Variants in C12orf56 observed in about 807,000 individuals in gnomAD.
The protein encoded by C12orf56 is uncharacterized protein C12orf56.
C12orf56 carries 71 observed loss-of-function variants against 69.9 expected under a neutral mutation model. The ratio of observed to expected loss-of-function variants is 1.02; its 90% CI spans 0.84 to 1.24. C12orf56 has a LOEUF of 1.24. Ranked by LOEUF, C12orf56 falls within the 50% of genes most tolerant of loss-of-function variation. The pLI, the probability that C12orf56 is intolerant of heterozygous loss-of-function variation, is 0.00. For synonymous variants in C12orf56, 276 were observed against 274.1 expected (o/e 1.01, Z -0.07); for missense variants, 732 against 738.5 (o/e 0.99, Z 0.10).
At chr12:64,345,427 T>C (rs776869968) in intron 2 of C12orf56, among the ~76,000 whole-genome samples, 1 of 152,164 alleles carries the variant, frequency 6.6e-6, no homozygotes, top group Non-Finnish European at 1.5e-5. Context: ...CAAAAAAAAG[T>C]TCATCAGAGT....
At chr12:64,384,018 G>T (rs2039755783) in intron 1 of C12orf56, among the ~76,000 whole-genome samples, 1 of 152,216 alleles carries the variant, frequency 6.6e-6, no homozygotes, top group Non-Finnish European at 1.5e-5. Context: ...AACTAGCATT[G>T]ATTGCTTGTT....
chr12:64,269,624 C>T (rs1347177523), intron 12 of C12orf56, among the ~76,000 whole-genome samples: 2 of 151,684 alleles, frequency 1.3e-5, no homozygotes, highest in African/African-American at 2.4e-5. Context: ...AATATCCCTC[C>T]GTTGCCCAGG....
chr12:64,358,060 A>G (rs2039343882), intron 1 of C12orf56, among the ~76,000 whole-genome samples: 1 of 152,184 alleles, frequency 6.6e-6, no homozygotes, highest in African/African-American at 2.4e-5. Context: ...GGATGATGAC[A>G]GGTGTGATAA....
chr12:64,327,637 C>A (rs1245843845), intron 3 of C12orf56, among the ~76,000 whole-genome samples: 1 of 152,162 alleles, frequency 6.6e-6, no homozygotes, highest in Admixed American at 6.5e-5. Context: ...CCAGTAGCAC[C>A]CCTTGAGAAA....
At chr12:64,283,040 G>T (rs2038152766) in intron 8 of C12orf56, among the ~76,000 whole-genome samples, 1 of 152,042 alleles carries the variant, frequency 6.6e-6, no homozygotes, top group Admixed American at 6.6e-5. Context: ...TACTTGGGAG[G>T]CTGAGGCAGG....
intron 2 of C12orf56, among the ~76,000 whole-genome samples, chr12:64,344,323 G>C (rs1320562819): frequency 6.6e-6 from 1 of 152,190 alleles, no homozygotes; most frequent in African/African-American, 2.4e-5. Context: ...AACTGATTAA[G>C]AGGCCATGAT....
intron 1 of C12orf56, among the ~76,000 whole-genome samples, chr12:64,359,251 T>G (rs1373960117): frequency 2.6e-5 from 4 of 152,178 alleles, no homozygotes; most frequent in Non-Finnish European, 4.4e-5. Flanking sequence ...TTTGTCCTAT[T>G]ATATTTCTCC....
At chr12:64,276,012 C>A (rs982103552) in intron 9 of C12orf56, among the ~76,000 whole-genome samples, 2 of 144,458 alleles carry the variant, frequency 1.4e-5, no homozygotes, top group African/African-American at 5.0e-5. Context: ...CCCCCCCCCG[C>A]GAGTTGAGGT....
At chr12:64,362,581 A>C (rs1258787248) in intron 1 of C12orf56, among the ~76,000 whole-genome samples, 1 of 152,108 alleles carries the variant, frequency 6.6e-6, no homozygotes, top group Non-Finnish European at 1.5e-5. Context: ...AATCTCAGCT[A>C]TTCAGGAGGC....
chr12:64,360,746 G>T (rs2039388837), intron 1 of C12orf56, among the ~76,000 whole-genome samples: 1 of 152,102 alleles, frequency 6.6e-6, no homozygotes, highest in Non-Finnish European at 1.5e-5. Context: ...CTTTTATCCA[G>T]ACCCTTTTTA....
intron 5 of C12orf56, among the ~76,000 whole-genome samples, chr12:64,312,009 CATGTG>C (rs2136824162): frequency 6.6e-6 from 1 of 152,138 alleles, no homozygotes; most frequent in South Asian, 2.1e-4. Context: ...ATAAATAAGG[CATGTG>C]ATGACTGGCT....
chr12:64,369,223 A>G (rs1275737843), intron 1 of C12orf56, among the ~76,000 whole-genome samples: 2 of 150,858 alleles, frequency 1.3e-5, no homozygotes, highest in Non-Finnish European at 3.0e-5. Flanking sequence ...TTTTAGACGG[A>G]GTTTCATTCT....
At chr12:64,344,323 G>A (rs1320562819) in intron 2 of C12orf56, among the ~76,000 whole-genome samples, 2 of 152,190 alleles carry the variant, frequency 1.3e-5, no homozygotes, top group South Asian at 2.1e-4. Flanking sequence ...AACTGATTAA[G>A]AGGCCATGAT....
intron 5 of C12orf56, among the ~76,000 whole-genome samples, chr12:64,311,002 AATG>A (rs1227598155): frequency 3.3e-5 from 5 of 152,070 alleles, no homozygotes; most frequent in Admixed American, 3.3e-4. Context: ...GTTTGCTCAG[AATG>A]ATGGTTTCCA....
chr12:64,365,456 C>T (rs2039452944), intron 1 of C12orf56, among the ~76,000 whole-genome samples: 2 of 151,578 alleles, frequency 1.3e-5, no homozygotes, highest in African/African-American at 4.8e-5. Flanking sequence ...TGAGCCACCA[C>T]GCCCGGCCGC....
chr12:64,305,108 A>T (rs2038494549), intron 5 of C12orf56, among the ~76,000 whole-genome samples: 1 of 152,138 alleles, frequency 6.6e-6, no homozygotes, highest in South Asian at 2.1e-4. Context: ...AGTCGCTCTT[A>T]TTAACCTGAA....
intron 6 of C12orf56, among the ~76,000 whole-genome samples, chr12:64,302,002 A>G (rs1163956327): frequency 6.6e-6 from 1 of 152,234 alleles, no homozygotes; most frequent in Non-Finnish European, 1.5e-5. Context: ...AAACTTTTGA[A>G]CAAGCAATCC....
intron 4 of C12orf56, among the ~76,000 whole-genome samples, chr12:64,315,175 C>T (rs2136830918): frequency 6.6e-6 from 1 of 152,066 alleles, no homozygotes; most frequent in South Asian, 2.1e-4. Context: ...TGGTCTCAAA[C>T]TCCTGACCTC....
chr12:64,331,863 C>T (rs1284331440), intron 2 of C12orf56, among the ~76,000 whole-genome samples: 5 of 151,814 alleles, frequency 3.3e-5, no homozygotes, highest in African/African-American at 7.3e-5. Flanking sequence ...GACAGTGGTC[C>T]GCTGTTATTC....
Sources: gnomAD v4.1 joint callset for allele counts (sites outside exome capture counted in the v4.1 genomes callset) on GRCh38, gnomAD v4.1.1 for gene constraint, MANE v1.5 for transcripts, NCBI Gene and HGNC (gene_info 2026-07-23, HGNC 2026-07-21) for gene names.